SMARCC1: variants seen among roughly 807,000 people sequenced by gnomAD.
SMARCC1 encodes the protein SWI/SNF related BAF chromatin remodeling complex subunit C1, also known as SWI/SNF complex subunit SMARCC1.
Under a neutral mutation model 147.4 loss-of-function variants are expected in SMARCC1, and 43 were observed. That is an observed-to-expected ratio of 0.29 (90% confidence interval 0.23 to 0.38). The LOEUF is 0.38. SMARCC1 is among the 10% of genes least tolerant of loss of function. The pLI, the probability that SMARCC1 is intolerant of heterozygous loss-of-function variation, is 1.00. For missense variants in SMARCC1, 1,119 were observed against 1,381.1 expected, an observed-to-expected ratio of 0.81 and a Z score of 3.01; for synonymous variants, 495 against 484.4, an observed-to-expected ratio of 1.02 and a Z score of -0.29.
chr3:47,697,651 T>A (rs1006841949), intron 11 of SMARCC1, among the ~76,000 whole-genome samples: 26 of 151,606 alleles, frequency 1.7e-4, no homozygotes, highest in Non-Finnish European at 3.1e-4. Context: ...AAACTCATTT[T>A]ATGAGGCCAG....
intron 1 of SMARCC1, among the ~76,000 whole-genome samples, chr3:47,778,385 C>A (rs1045164975): frequency 1.6e-4 from 24 of 151,782 alleles, no homozygotes; most frequent in African/African-American, 4.1e-4. Context: ...CACAGTTCAC[C>A]GCAGCCTCGA....
At chr3:47,756,820 C>T (rs1029760877) in intron 2 of SMARCC1, among the ~76,000 whole-genome samples, 1 of 152,056 alleles carries the variant, frequency 6.6e-6, no homozygotes, top group Non-Finnish European at 1.5e-5. Context: ...AAAAGTTTAC[C>T]GTTTCCTGCT....
Position 47,590,761 on chromosome 3 carries a change from G to T in SMARCC1, c.3120C>A (p.Asn1040Lys). 6.2e-7 allele frequency: 1 copy of T among 1,604,306 alleles called. No individual in the cohort carries two copies. Among genetic ancestry groups the T allele is most frequent in the Non-Finnish European group, 8.5e-7 (1 of 1,176,164 alleles). The change falls in exon 27 of 28, where the codon AAC becomes AAA. Residue 1040 changes from asparagine to lysine, a missense_variant. This residue lies in a region of SMARCC1 where 186 missense variants were observed against 216.5 expected (regional missense o/e 0.86). Coordinates refer to ENST00000254480, the MANE Select transcript of SMARCC1 (RefSeq NM_003074.4). ...PGRMIPTVAA[N>K]IHPSGSGPTP... ...TAGGGCCACTCCCAGAGGGGTGGAT[G>T]TTGGCTGCAACAGTGGGAATCATGC...
chr3:47,605,600 T>C (rs932872422), intron 26 of SMARCC1, among the ~76,000 whole-genome samples: 10 of 152,124 alleles, frequency 6.6e-5, no homozygotes, highest in Non-Finnish European at 1.0e-4. Context: ...AGTGAGCCCA[T>C]GTCTCTACAA....
At chr3:47,589,281 C>G (rs983104323) in intron 27 of SMARCC1, among the ~76,000 whole-genome samples, 1 of 152,176 alleles carries the variant, frequency 6.6e-6, no homozygotes, top group Non-Finnish European at 1.5e-5. Flanking sequence ...TGGCAGGAAC[C>G]AGGCAGCAGG....
intron 7 of SMARCC1, among the ~76,000 whole-genome samples, chr3:47,715,429 C>T (rs1182487609): frequency 6.6e-6 from 1 of 152,168 alleles, no homozygotes; most frequent in African/African-American, 2.4e-5. Flanking sequence ...AGCCTTGATT[C>T]CATTCTCAAG....
At chr3:47,771,599 G>A (rs1274538691) in intron 2 of SMARCC1, among the ~76,000 whole-genome samples, 1 of 151,898 alleles carries the variant, frequency 6.6e-6, no homozygotes, top group Non-Finnish European at 1.5e-5. Flanking sequence ...AATTAGCCAG[G>A]TGCGGTGGGT....
intron 24 of SMARCC1, among the ~76,000 whole-genome samples, chr3:47,632,977 A>G (rs1471415429): frequency 1.3e-5 from 2 of 152,166 alleles, no homozygotes; most frequent in African/African-American, 2.4e-5. Context: ...TAAAAAAAAA[A>G]AAAAGGAGAA....
intron 5 of SMARCC1, among the ~76,000 whole-genome samples, chr3:47,731,506 TTCAATTTAC>T (rs2034374260): frequency 6.6e-6 from 1 of 152,218 alleles, no homozygotes; most frequent in Non-Finnish European, 1.5e-5. Flanking sequence ...CCAGAAGATT[TTCAATTTAC>T]TTTGCCCAGA....
intron 5 of SMARCC1, among the ~76,000 whole-genome samples, chr3:47,732,657 G>C (rs2034387796): frequency 6.6e-6 from 1 of 152,166 alleles, no homozygotes. Context: ...GGCTAGACAA[G>C]AGGTAGAGAG....
intron 26 of SMARCC1, chr3:47,604,501 C>G (rs908416929): frequency 4.1e-5 from 15 of 363,232 alleles, no homozygotes; most frequent in African/African-American, 6.4e-5. Context: ...AGGACCTGCT[C>G]ATAGTTCTTA....
In SMARCC1 at chr3:47,588,318, T is replaced by A. The variant is rs757513426; in HGVS notation, c.3221-12A>T. On this transcript the variant is annotated splice_polypyrimidine_tract_variant and intron_variant, in intron 27 of 27. Coordinates refer to ENST00000254480, the MANE Select transcript of SMARCC1 (RefSeq NM_003074.4). Reference sequence around the variant, plus strand: ...TGGTGGAGGGGGATCTGCAAACATATCCAAGAGTAACTCGTTATTGCTGGA... The same window carrying A: ...TGGTGGAGGGGGATCTGCAAACATAACCAAGAGTAACTCGTTATTGCTGGA... 1.2e-6 allele frequency: 2 copies of A among 1,610,876 alleles called. No homozygotes were observed. The highest frequency in any genetic ancestry group is 1.7e-6 in the Non-Finnish European group (2 of 1,177,648).
At chr3:47,780,168 GTTTTTTTTTT>G (rs10662354) in intron 1 of SMARCC1, among the ~76,000 whole-genome samples, 5 of 61,882 alleles carry the variant, frequency 8.1e-5, no homozygotes, top group Admixed American at 5.0e-4. Flanking sequence ...GTTTTTTTTT[GTTTTTTTTTT>G]TTTTTTTTTT....
In SMARCC1 at chr3:47,776,214, G is replaced by A. The variant is rs1233754963; in HGVS notation, c.196-3278C>T. ...CTGACAAAATACATTGTACTTATCC[G>A]CAAGGTAACTTCATAATCTTTAATA... is the stretch of plus-strand genomic sequence containing the variant. On this transcript the variant is annotated intron_variant, in intron 1 of 27. Transcript: ENST00000254480. 7.2e-5 allele frequency among the ~76,000 whole-genome samples: 11 copies of A among 152,008 alleles called. No individual in the cohort carries two copies. The East Asian group carries it at 1.2e-3, about 16-fold the overall frequency.
chr3:47,645,232 A>C (rs1032613637), intron 21 of SMARCC1, among the ~76,000 whole-genome samples: 1 of 151,672 alleles, frequency 6.6e-6, no homozygotes, highest in African/African-American at 2.4e-5. Context: ...TCAAGCCTGC[A>C]CTGAGCTGTG....
intron 12 of SMARCC1, 61 bp from the exon 13 acceptor site, chr3:47,689,485 GA>G: frequency 1.4e-6 from 2 of 1,388,252 alleles, no homozygotes; most frequent in South Asian, 2.3e-5. Context: ...GGGTTATTTG[GA>G]AAATTAATGG....
In SMARCC1 at chr3:47,673,407, G is replaced by GC. The variant is rs1384140451; in HGVS notation, c.1839+2067_1839+2068insG. On this transcript the variant is annotated intron_variant, in intron 18 of 27. Transcript: ENST00000254480. Reference sequence around the variant, plus strand: ...TCTCAAAAAAAAAAGGGTGGGGGGGGGGCAGGCCAGTGGCTCAGGCCTGTA... The same window carrying GC: ...TCTCAAAAAAAAAAGGGTGGGGGGGGCGGCAGGCCAGTGGCTCAGGCCTGTA... Among the ~76,000 whole-genome samples the GC allele has an allele frequency of 3.3e-5, 4 of 121,502 alleles. 1 individual carries two copies. Among genetic ancestry groups the GC allele is most frequent in the Non-Finnish European group, 7.3e-5 (4 of 54,862 alleles). 79.7% of individuals were successfully genotyped at this position (121,502 alleles called of 152,430 possible). A position where few individuals can be genotyped will look rare whatever the true frequency, so the allele number is the denominator to read the frequency against.
intron 17 of SMARCC1, among the ~76,000 whole-genome samples, chr3:47,676,016 A>G (rs892869976): frequency 3.3e-5 from 5 of 151,972 alleles, no homozygotes; most frequent in Non-Finnish European, 7.4e-5. Context: ...AACAATAAAT[A>G]CCCACACTTC....
intron 2 of SMARCC1, among the ~76,000 whole-genome samples, chr3:47,761,673 GTT>G (rs2034775732): frequency 6.6e-6 from 1 of 152,054 alleles, no homozygotes; most frequent in East Asian, 1.9e-4. Flanking sequence ...ATGCTAATCT[GTT>G]TTCTCCCTCA....
Sources: gnomAD v4.1 joint callset for allele counts (sites outside exome capture counted in the v4.1 genomes callset) on GRCh38, gnomAD v4.1.1 for gene constraint, gnomAD v4.1.1 regional missense constraint, MANE v1.5 for transcripts, NCBI Gene and HGNC (gene_info 2026-07-23, HGNC 2026-07-21) for gene names.